COL24A1: variants seen among roughly 807,000 people sequenced by gnomAD.
COL24A1 encodes collagen type XXIV alpha 1 chain, also known as collagen alpha-1(XXIV) chain.
In COL24A1, 224 loss-of-function variants were observed where a neutral mutation model predicts 253.9. The ratio of observed to expected loss-of-function variants is 0.88; its 90% confidence interval spans 0.79 to 0.99. The LOEUF (loss-of-function observed/expected upper bound fraction) is 0.99. Ranked by LOEUF, COL24A1 falls within the 50% of genes least tolerant of loss-of-function variation. The pLI, the probability that COL24A1 is intolerant of heterozygous loss-of-function variation, is 0.00. For synonymous variants in COL24A1, 685 were observed against 673.7 expected, an observed-to-expected ratio of 1.02 and a Z score of -0.26; for missense variants, 2,131 against 2,068.5, an observed-to-expected ratio of 1.03 and a Z score of -0.59.
At chr1:85,820,063 G>A (rs1203801849) in intron 45 of COL24A1, among the ~76,000 whole-genome samples, 1 of 152,078 alleles carries the variant, frequency 6.6e-6, no homozygotes, top group African/African-American at 2.4e-5. Context: ...GGCCAGGCTG[G>A]TCTTGAACTC....
intron 5 of COL24A1, among the ~76,000 whole-genome samples, chr1:86,096,585 G>A (rs539100558): frequency 2.0e-5 from 3 of 152,066 alleles, no homozygotes; most frequent in African/African-American, 2.4e-5. Flanking sequence ...TTATGGCCTC[G>A]CTTTCCTCCT....
At chr1:85,999,059 T>C (rs1244832220) in intron 19 of COL24A1, among the ~76,000 whole-genome samples, 2 of 152,214 alleles carry the variant, frequency 1.3e-5, no homozygotes, top group African/African-American at 2.4e-5. Flanking sequence ...GATGGGATAC[T>C]GATAGAGACA....
At chr1:85,975,413 C>T (rs1408478890) in intron 20 of COL24A1, among the ~76,000 whole-genome samples, 1 of 152,056 alleles carries the variant, frequency 6.6e-6, no homozygotes, top group Non-Finnish European at 1.5e-5. Context: ...ATATTATACA[C>T]AATGGAATAT....
At chr1:86,103,473 A>T (rs531312063) in intron 5 of COL24A1, among the ~76,000 whole-genome samples, 169 of 152,258 alleles carry the variant, frequency 1.1e-3, no homozygotes, top group African/African-American at 3.7e-3. Flanking sequence ...TTAAAGTGTC[A>T]CTGGTCTGTG....
chr1:86,033,513 T>C (rs967220919), intron 13 of COL24A1, among the ~76,000 whole-genome samples: 19 of 152,186 alleles, frequency 1.2e-4, no homozygotes, highest in Admixed American at 1.0e-3. Context: ...GGTGGATCAA[T>C]GACAGGTTTG....
intron 42 of COL24A1, among the ~76,000 whole-genome samples, chr1:85,840,270 A>C (rs1327785475): frequency 6.6e-6 from 1 of 152,150 alleles, no homozygotes; most frequent in Non-Finnish European, 1.5e-5. Context: ...AGATTTTTAC[A>C]TTATTTCCAT....
chr1:85,769,597 GA>G (rs1667744568), intron 53 of COL24A1, among the ~76,000 whole-genome samples: 1 of 152,034 alleles, frequency 6.6e-6, no homozygotes, highest in Admixed American at 6.6e-5. Flanking sequence ...GGGTATGGTA[GA>G]GAAATAACAG....
chr1:85,785,558 T>A (rs1262732653), intron 48 of COL24A1, among the ~76,000 whole-genome samples: 1 of 152,234 alleles, frequency 6.6e-6, no homozygotes, highest in Non-Finnish European at 1.5e-5. Context: ...TTTTCCTGGC[T>A]TTAGCATTTG....
intron 51 of COL24A1, 42 bp downstream of exon 51, chr1:85,783,454 A>G: frequency 6.3e-7 from 1 of 1,576,040 alleles, no homozygotes; most frequent in Non-Finnish European, 8.7e-7. Context: ...GCAGTAAGCA[A>G]AGAACCACAA....
chr1:85,822,736 C>T (rs1673784785), intron 45 of COL24A1, among the ~76,000 whole-genome samples: 1 of 152,102 alleles, frequency 6.6e-6, no homozygotes, highest in Admixed American at 6.6e-5. Flanking sequence ...TTGTAAAATC[C>T]AGTTTTAGCA....
chr1:85,968,714 TC>T (rs58481399), intron 22 of COL24A1, among the ~76,000 whole-genome samples: 49,394 of 151,970 alleles, frequency 0.33, 8,312 homozygotes, highest in African/African-American at 0.41. Flanking sequence ...ATTCCTTTCA[TC>T]TTTAATAATA....
intron 32 of COL24A1, among the ~76,000 whole-genome samples, chr1:85,885,393 A>T (rs374980084): frequency 0.22 from 25,868 of 116,248 alleles, 2,908 homozygotes; most frequent in South Asian, 0.31. Context: ...ATATATATAT[A>T]TATATTTTTT....
At chr1:86,065,715 G>A (rs1332601666) in intron 7 of COL24A1, among the ~76,000 whole-genome samples, 1 of 145,174 alleles carries the variant, frequency 6.9e-6, no homozygotes, top group Non-Finnish European at 1.5e-5. Context: ...GGTTGCTTGA[G>A]CCCAGGAGCT....
intron 24 of COL24A1, among the ~76,000 whole-genome samples, chr1:85,945,018 T>TTTTTTTTTTG (rs1689171913): frequency 5.8e-5 from 5 of 86,840 alleles, no homozygotes; most frequent in Non-Finnish European, 9.2e-5. Flanking sequence ...TTTTTTTTTT[T>TTTTTTTTTTG]TTTTTTTTTT....
chr1:86,111,197 C>T (rs1705557041), intron 5 of COL24A1, among the ~76,000 whole-genome samples: 1 of 151,266 alleles, frequency 6.6e-6, no homozygotes, highest in East Asian at 1.9e-4. Flanking sequence ...AGTCAGCACT[C>T]TGTGTCTAGC....
chr1:85,789,334 G>A (rs1670028979), intron 47 of COL24A1, among the ~76,000 whole-genome samples: 1 of 152,042 alleles, frequency 6.6e-6, no homozygotes, highest in South Asian at 2.1e-4. Flanking sequence ...GTGAATGGGA[G>A]TTCACTCATG....
rs149077388 is a variant in COL24A1, at chr1:86,011,554, T to C, written c.2310+5597A>G. 2.5e-3 allele frequency among the ~76,000 whole-genome samples: 378 copies of C among 152,344 alleles called. 10 individuals are homozygous for C. The East Asian group carries it at 0.047, about 19-fold the overall frequency. ...TTGTGCTTTTGAATCACATTCACCC[T>C]GTACTGCAAAGGCAATCCAGCTCTC... On this transcript the variant is annotated intron_variant, in intron 19 of 59. Transcript: ENST00000370571.
chr1:85,769,189 A>G (rs1667697810), intron 53 of COL24A1, among the ~76,000 whole-genome samples: 1 of 152,152 alleles, frequency 6.6e-6, no homozygotes, highest in South Asian at 2.1e-4. Context: ...TGCCAACTAT[A>G]AGAGAGGCAC....
intron 19 of COL24A1, among the ~76,000 whole-genome samples, chr1:86,002,537 T>A (rs1695527389): frequency 6.6e-6 from 1 of 152,230 alleles, no homozygotes; most frequent in Admixed American, 6.5e-5. Flanking sequence ...TTTCCTGTGT[T>A]CTCCTGCCTC....
Sources: gnomAD v4.1 joint callset for allele counts (sites outside exome capture counted in the v4.1 genomes callset) on GRCh38, gnomAD v4.1.1 for gene constraint, MANE v1.5 for transcripts, NCBI Gene and HGNC (gene_info 2026-07-23, HGNC 2026-07-21) for gene names.